GATA2: variants seen among roughly 807,000 people sequenced by gnomAD.
GATA2 encodes the protein endothelial transcription factor GATA-2.
In GATA2, 6 loss-of-function variants were observed where a neutral mutation model predicts 35.7. That is an observed-to-expected ratio of 0.17 (90% CI 0.09 to 0.33). The LOEUF (loss-of-function observed/expected upper bound fraction) is 0.33. Among genes scored for constraint, GATA2 ranks in the 10% least tolerant of loss-of-function variants. The probability of loss-of-function intolerance (pLI) is 1.00; values close to 1 mark genes in which losing one functional copy is unlikely to be tolerated. For synonymous variants in GATA2, 313 were observed against 274.9 expected, an observed-to-expected ratio of 1.14 and a Z score of -1.37; for missense variants, 541 against 656.6, an observed-to-expected ratio of 0.82 and a Z score of 1.92.
intron 1 of GATA2, chr3:128,492,215 G>A (rs1576753973): frequency 6.6e-6 from 1 of 152,182 alleles, no homozygotes; most frequent in Admixed American, 6.5e-5. Context: ...GCAACGCGGA[G>A]TTCAAGCCTG....
chr3:128,487,173 G>A, intron 1 of GATA2, 97 bp from the exon 2 acceptor site: 2 of 672,442 alleles, frequency 3.0e-6, no homozygotes, highest in South Asian at 2.0e-5. Flanking sequence ...CCCCAGCCCA[G>A]ATCCGGCGAG....
Position 128,480,701 on chromosome 3 carries a change from C to A in GATA2, c.*318G>T, listed in dbSNP as rs985331607. On this transcript the variant is annotated 3_prime_UTR_variant, in exon 6 of 6. Coordinates refer to ENST00000341105, the MANE Select transcript of GATA2 (RefSeq NM_032638.5). ...GCAAAATAAATTATTTTTGCCTAAT[C>A]CTTTTTCCTTCTAAAAATGGTTGCC... is the stretch of plus-strand genomic sequence containing the variant. 2 of 378,154 alleles carry A rather than the reference C, an allele frequency of 5.3e-6. No homozygotes were observed. The highest frequency in any genetic ancestry group is 8.3e-5 in the Admixed American group (2 of 24,070). The allele number at this position is 378,154 out of a possible 1,614,324, so 23.4% of individuals were successfully genotyped here.
rs1199084382 is a variant in GATA2, at chr3:128,480,083, G to A, written c.*936C>T. The A allele has an allele frequency of 1.3e-5, 3 of 233,104 alleles. No individual in the cohort carries two copies. The highest frequency in any genetic ancestry group is 2.5e-5 in the Non-Finnish European group (3 of 118,018). 14.4% of individuals were successfully genotyped at this position (233,104 alleles called of 1,614,324 possible). ...TTCCTTTCATAGCAGGGCTCCTGTG[G>A]CTACGTACAATCAACTGGACCCAAA... On this transcript the variant is annotated 3_prime_UTR_variant, in exon 6 of 6. Transcript: ENST00000341105.
rs1553771148 is a variant in GATA2 at position 128,486,924 on chromosome 3, G to C, written c.108C>G (p.Pro36=). Residue 36 remains proline (P), a synonymous_variant, in exon 2 of 6, where the codon CCC becomes CCG. Coordinates refer to ENST00000341105, the MANE Select transcript of GATA2 (RefSeq NM_032638.5). The part of the protein sequence containing the change: ...HPGLAHNYME[P]AQLLPPDEVD... The stretch of plus-strand genomic sequence containing the variant: ...CCTCGTCTGGAGGCAGCAGCTGCGC[G>C]GGTTCCATGTAGTTGTGCGCCAGGC... The C allele has an allele frequency of 3.7e-6, 6 of 1,612,950 alleles. No homozygotes were observed. Among genetic ancestry groups the C allele is most frequent in the Non-Finnish European group, 4.2e-6 (5 of 1,179,606 alleles).
At position 128,481,316 on chromosome 3, in the gene GATA2, A is replaced by T; in HGVS notation, c.1146T>A (p.Val382=). The T allele has an allele frequency of 3.7e-6, 6 of 1,612,390 alleles. No homozygotes were observed. Among genetic ancestry groups the T allele is most frequent in the Non-Finnish European group, 5.1e-6 (6 of 1,180,004 alleles). ...ACGLYYKLHN[V]NRPLTMKKEG... is the part of the protein sequence containing the mutation. ...CCTTCTTCATGGTCAGTGGCCTGTT[A>T]ACCTAGAGGCAACCACCAGTTTTCA... Residue 382 remains valine, a splice_region_variant and synonymous_variant, in exon 6 of 6, where the codon GTT becomes GTA. Coordinates refer to ENST00000341105, the MANE Select transcript of GATA2 (RefSeq NM_032638.5).
rs944819154 is a variant in GATA2 at position 128,480,929 on chromosome 3, G to A, written c.*90C>T. On this transcript the variant is annotated 3_prime_UTR_variant, in exon 6 of 6. Transcript: ENST00000341105. The stretch of plus-strand genomic sequence containing the variant: ...GTGCTGGGCCGAGCCGGGCTGGCAG[G>A]AGTGGTGTCGGCCTTCGGGAAATGC... 61 of 1,382,580 alleles carry A rather than the reference G, an allele frequency of 4.4e-5. No homozygotes were observed. The African/African-American group carries it at 6.8e-4, about 16-fold the overall frequency. The allele number at this position is 1,382,580 out of a possible 1,614,324, so 85.6% of individuals were successfully genotyped here.
In GATA2 at chr3:128,486,272, G is replaced by A. The variant is rs1271751829; in HGVS notation, c.326C>T (p.Ala109Val). ...DGGKAALSAA[A>V]AHHHNPWTVS... is the part of the protein sequence containing the mutation. ...GGTCCAGGGGTTGTGGTGGTGGGCCGCAGCGGCAGAGAGGGCTGCTTTGCC... is the reference window on the plus strand; with the variant it reads ...GGTCCAGGGGTTGTGGTGGTGGGCCACAGCGGCAGAGAGGGCTGCTTTGCC... Residue 109 changes from alanine (A) to valine (V), a missense_variant, in exon 3 of 6, where the codon GCG (alanine) becomes GTG (valine). Around this residue, in one of 5 missense-constraint regions of GATA2, gnomAD observed 389 missense variants for 396.9 expected, o/e 0.98. Transcript: ENST00000341105. The A allele has an allele frequency of 7.6e-6, 12 of 1,574,402 alleles. No homozygotes were observed. The highest frequency in any genetic ancestry group is 1.0e-5 in the Non-Finnish European group (12 of 1,161,338).
Position 128,486,073 on chromosome 3 carries a change from G to T in GATA2, c.525C>A (p.Pro175=). ...HSGSHLFGFP[P]TPPKEVSPDP... The stretch of plus-strand genomic sequence containing the variant: ...CAGGAGACACTTCTTTGGGTGGCGT[G>T]GGTGGGAAGCCGAAAAGGTGGGAGC... Residue 175 remains proline, a synonymous_variant, in exon 3 of 6, where the codon CCC becomes CCA. Transcript: ENST00000341105. 6.2e-7 allele frequency: 1 copy of T among 1,614,014 alleles called. No homozygotes were observed. Among genetic ancestry groups the T allele is most frequent in the South Asian group, 1.1e-5 (1 of 91,070 alleles).
At chr3:128,481,370 T>C (rs750545631) in intron 5 of GATA2, 52 bp from the exon 6 acceptor site, 12 of 1,581,192 alleles carry the variant, frequency 7.6e-6, no homozygotes, top group East Asian at 4.5e-5. Flanking sequence ...CCAGCAACAT[T>C]CCTCCCACCC....
Position 128,485,746 on chromosome 3 carries a change from G to A in GATA2, c.852C>T (p.Ser284=), listed in dbSNP as rs1282036381. The part of the protein sequence containing the change: ...PASSFTPKQR[S]KARSCSEGRE... Reference sequence around the variant, plus strand: ...CTTTACCTGAACAGGAACGAGCCTTGCTGCGCTGCTTAGGGGTGAAGCTGG... The same window carrying A: ...CTTTACCTGAACAGGAACGAGCCTTACTGCGCTGCTTAGGGGTGAAGCTGG... Residue 284 remains serine, a synonymous_variant, in exon 3 of 6, where the codon AGC becomes AGT. Transcript: ENST00000341105. 3 of 1,613,866 alleles carry A rather than the reference G, an allele frequency of 1.9e-6. No homozygotes were observed. Among genetic ancestry groups the A allele is most frequent in the Admixed American group, 3.3e-5 (2 of 59,996 alleles).
At position 128,486,187 on chromosome 3, in the gene GATA2, TGGGCCTCCA is replaced by T. The variant is rs2068696512; in HGVS notation, c.402_410del (p.Gly135_Pro137del). On this transcript the variant is annotated inframe_deletion, in exon 3 of 6. Transcript: ENST00000341105. ...CCCCAGCCCCTGGGTACACAGAGAG[TGGGCCTCCA>T]GGGCCTCCAGCAGCTGAGGGGTGCA... 4 of 1,562,720 alleles carry T rather than the reference TGGGCCTCCA, an allele frequency of 2.6e-6. No homozygotes were observed. Among genetic ancestry groups the T allele is most frequent in the Non-Finnish European group, 3.5e-6 (4 of 1,154,010 alleles).
chr3:128,483,580 G>A (rs992235158), intron 4 of GATA2, among the ~76,000 whole-genome samples: 2 of 152,212 alleles, frequency 1.3e-5, no homozygotes, highest in Non-Finnish European at 2.9e-5. Context: ...GAGGCCAGAG[G>A]ACAGGAGTCC....
chr3:128,488,639 C>G lies in GATA2; in HGVS notation c.-45-1563G>C, dbSNP rs1312245977. ...TGCCTGGGGCGAGGCCGTGGAGACCCGGACTGGCGCCGGCGCCAGCTGGAG... is the reference window on the plus strand; with the variant it reads ...TGCCTGGGGCGAGGCCGTGGAGACCGGGACTGGCGCCGGCGCCAGCTGGAG... On this transcript the variant is annotated intron_variant, in intron 1 of 5. Coordinates refer to ENST00000341105, the MANE Select transcript of GATA2 (RefSeq NM_032638.5). The surrounding 1 kb of genome is among the most constrained non-coding windows in gnomAD (Gnocchi z 5.8). 1.3e-5 allele frequency: 2 copies of G among 152,092 alleles called. No individual in the cohort carries two copies. The highest frequency in any genetic ancestry group is 1.9e-4 in the East Asian group (1 of 5,146). The allele number at this position is 152,092 out of a possible 1,614,324, so 9.4% of individuals were successfully genotyped here.
Position 128,492,943 on chromosome 3 carries a change from G to A in GATA2, c.-90C>T, listed in dbSNP as rs2068795814. On this transcript the variant is annotated 5_prime_UTR_variant, in exon 1 of 6. Transcript: ENST00000341105. ...GGCGCCCCCGGGCGGACGGGGCCTGGAGTAGAGCTGGGAGCAGGGCGAGGT... is the reference window on the plus strand; with the variant it reads ...GGCGCCCCCGGGCGGACGGGGCCTGAAGTAGAGCTGGGAGCAGGGCGAGGT... 6.5e-6 allele frequency: 1 copy of A among 152,930 alleles called. No individual in the cohort carries two copies. The highest frequency in any genetic ancestry group is 6.5e-5 in the Admixed American group (1 of 15,288). 9.5% of individuals were successfully genotyped at this position (152,930 alleles called of 1,614,324 possible).
Position 128,480,804 on chromosome 3 carries a change from C to A in GATA2, c.*215G>T, listed in dbSNP as rs1045344271. The A allele has an allele frequency of 3.6e-6, 2 of 559,134 alleles. No homozygotes were observed. The highest frequency in any genetic ancestry group is 2.9e-5 in the East Asian group (1 of 34,596). 34.6% of individuals were successfully genotyped at this position (559,134 alleles called of 1,614,324 possible). A position where few individuals can be genotyped will look rare whatever the true frequency, so the allele number is the denominator to read the frequency against. ...TCCAAACAACTGTCCATGCAGGAAA[C>A]CCCACCTGGGCAGCGGTCAGGTGCG... On this transcript the variant is annotated 3_prime_UTR_variant, in exon 6 of 6. Transcript: ENST00000341105.
In GATA2 at chr3:128,486,845, G is replaced by A. The variant is rs1240150433; in HGVS notation, c.187C>T (p.Pro63Ser). ...GAGACGCGCGCCCGCGCGTGAGCGG[G>A]GTTGGCATAGTAGGGGTTGCCCTGC... ...DSQGNPYYANPAHARARVSYS... is the reference protein window; with the variant it reads ...DSQGNPYYANSAHARARVSYS... Residue 63 changes from proline (P) to serine (S), a missense_variant, in exon 2 of 6, where the codon CCC becomes TCC. Physicochemically the swap from Pro to Ser is moderately conservative, Grantham distance 74 (BLOSUM62 -1). Transcript: ENST00000341105. The A allele has an allele frequency of 1.2e-6, 2 of 1,611,904 alleles. No homozygotes were observed. Among genetic ancestry groups the A allele is most frequent in the South Asian group, 1.1e-5 (1 of 90,424 alleles).
chr3:128,485,606 G>A (rs998561193), intron 3 of GATA2, 121 bp downstream of exon 3: 13 of 1,237,914 alleles, frequency 1.1e-5, no homozygotes, highest in Middle Eastern at 1.9e-4. Context: ...CTATTAGAGC[G>A]AGACATCACC....
At chr3:128,486,406 A>T in intron 2 of GATA2, 38 bp from the exon 3 acceptor site, 1 of 1,581,942 alleles carries the variant, frequency 6.3e-7, no homozygotes, top group Admixed American at 1.8e-5. Context: ...GTGGGCAGAA[A>T]GATCAGGGTA....
chr3:128,488,035 C>T lies in GATA2; in HGVS notation c.-45-959G>A, dbSNP rs1341670447. 2 of 152,300 alleles carry T rather than the reference C, an allele frequency of 1.3e-5. No homozygotes were observed. Among genetic ancestry groups the T allele is most frequent in the African/African-American group, 4.8e-5 (2 of 41,408 alleles). 9.4% of individuals were successfully genotyped at this position (152,300 alleles called of 1,614,324 possible). A position where few individuals can be genotyped will look rare whatever the true frequency, so the allele number is the denominator to read the frequency against. ...TTGGCTGCGTCCGCAATTCCCGAAC[C>T]GCTGGACTCCGGGACTGACCCGCGG... On this transcript the variant is annotated intron_variant, in intron 1 of 5. Transcript: ENST00000341105. This position sits in a 1 kb window ranked among gnomAD's most constrained non-coding sequence, Gnocchi z 5.8.
Sources: gnomAD v4.1 joint callset for allele counts (sites outside exome capture counted in the v4.1 genomes callset) on GRCh38, gnomAD v4.1.1 for gene constraint, gnomAD v4.1.1 regional missense constraint, Gnocchi (gnomAD v3.1) non-coding constraint, MANE v1.5 for transcripts, NCBI Gene and HGNC (gene_info 2026-07-23, HGNC 2026-07-21) for gene names.